Variants in PCDH15 observed in about 807,000 individuals in gnomAD.
PCDH15 encodes the protein protocadherin related 15.
A neutral mutation model predicts 178.5 loss-of-function variants in PCDH15; 129 were observed. The ratio of observed to expected loss-of-function variants is 0.72; its 90% CI spans 0.63 to 0.84. The LOEUF (loss-of-function observed/expected upper bound fraction) is 0.84. Ranked by LOEUF, PCDH15 falls within the 40% of genes least tolerant of loss-of-function variation. The pLI, the probability that PCDH15 is intolerant of heterozygous loss-of-function variation, is 0.00. For synonymous variants in PCDH15, 800 were observed against 732.0 expected, an observed-to-expected ratio of 1.09 and a Z score of -1.50; for missense variants, 2,230 against 2,099.9, an observed-to-expected ratio of 1.06 and a Z score of -1.21.
chr10:53,954,186 A>G (rs1219608939), intron 23 of PCDH15, among the ~76,000 whole-genome samples: 1 of 152,232 alleles, frequency 6.6e-6, no homozygotes, highest in East Asian at 1.9e-4. Context: ...TTACTTTTAC[A>G]TAAGTCAGAA....
intron 26 of PCDH15, among the ~76,000 whole-genome samples, chr10:53,898,406 T>C (rs189650721): frequency 6.6e-6 from 1 of 152,332 alleles, no homozygotes; most frequent in East Asian, 1.9e-4. Flanking sequence ...ATTAACTAAT[T>C]GTTTTAAAGA....
intron 2 of PCDH15, chr10:54,605,657 C>A (rs1447305707): frequency 6.6e-6 from 1 of 152,118 alleles, no homozygotes; most frequent in African/African-American, 2.4e-5. Flanking sequence ...AATGTTGGGG[C>A]ACTAACTGGA....
chr10:55,507,478 C>T (rs932169977), intron 2 of PCDH15, among the ~76,000 whole-genome samples: 2 of 151,512 alleles, frequency 1.3e-5, no homozygotes, highest in African/African-American at 2.4e-5. Context: ...ATAATCTAAG[C>T]TATAAAATCA....
intron 18 of PCDH15, among the ~76,000 whole-genome samples, chr10:54,036,216 T>C (rs2093413022): frequency 6.6e-6 from 1 of 151,974 alleles, no homozygotes; most frequent in African/African-American, 2.4e-5. Flanking sequence ...CTAAGATATT[T>C]GTAGAGGGTG....
At chr10:54,011,241 T>A (rs11597275) in intron 20 of PCDH15, among the ~76,000 whole-genome samples, 30,620 of 152,068 alleles carry the variant, frequency 0.2, 3,407 homozygotes, top group Non-Finnish European at 0.25. Context: ...CCTCAGACTG[T>A]GGAGGGAGCA....
chr10:54,342,821 A>G (rs1942502283), intron 6 of PCDH15, among the ~76,000 whole-genome samples: 1 of 152,208 alleles, frequency 6.6e-6, no homozygotes, highest in Non-Finnish European at 1.5e-5. Flanking sequence ...ATGGAGTCAA[A>G]TGAGATTATT....
At chr10:53,974,429 A>G (rs1418671749) in intron 21 of PCDH15, among the ~76,000 whole-genome samples, 2 of 152,150 alleles carry the variant, frequency 1.3e-5, no homozygotes, top group Non-Finnish European at 1.5e-5. Context: ...ATACTTATTT[A>G]TATAAGATAT....
chr10:54,934,151 T>G (rs898090037), intron 2 of PCDH15, among the ~76,000 whole-genome samples: 7 of 152,160 alleles, frequency 4.6e-5, no homozygotes, highest in Non-Finnish European at 7.4e-5. Flanking sequence ...ATCTATAGTG[T>G]TTAATAATTT....
chr10:53,881,440 T>C (rs2080710661), intron 26 of PCDH15, among the ~76,000 whole-genome samples: 1 of 152,132 alleles, frequency 6.6e-6, no homozygotes, highest in African/African-American at 2.4e-5. Context: ...AACCCCTAAA[T>C]GTATAAAAAT....
At chr10:55,131,854 A>G (rs146213572) in intron 2 of PCDH15, among the ~76,000 whole-genome samples, 27 of 152,246 alleles carry the variant, frequency 1.8e-4, no homozygotes, top group Admixed American at 1.4e-3. Flanking sequence ...AGCACCATGA[A>G]TTCTCACTTT....
chr10:54,822,011 T>A (rs1006519249), intron 3 of PCDH15, among the ~76,000 whole-genome samples: 1 of 152,132 alleles, frequency 6.6e-6, no homozygotes, highest in Admixed American at 6.6e-5. Flanking sequence ...TTTAATAACC[T>A]TTTTATGTTT....
chr10:55,559,079 C>A (rs1842143842), intron 2 of PCDH15, among the ~76,000 whole-genome samples: 1 of 152,002 alleles, frequency 6.6e-6, no homozygotes, highest in Non-Finnish European at 1.5e-5. Context: ...TGTAAGCTTG[C>A]AGGTGTTATA....
chr10:55,100,391 G>C (rs1443101795), intron 2 of PCDH15, among the ~76,000 whole-genome samples: 2 of 151,974 alleles, frequency 1.3e-5, no homozygotes, highest in Non-Finnish European at 2.9e-5. Flanking sequence ...TATTTAGTTA[G>C]CACCGTACTC....
intron 17 of PCDH15, among the ~76,000 whole-genome samples, 188 bp from the exon 18 acceptor site, chr10:54,067,073 C>A (rs2094149462): frequency 6.6e-6 from 1 of 151,888 alleles, no homozygotes; most frequent in Non-Finnish European, 1.5e-5. Flanking sequence ...AAGCTTCCCA[C>A]CTCAAAAAAC....
intron 2 of PCDH15, among the ~76,000 whole-genome samples, chr10:54,630,905 C>T (rs763401239): frequency 8.5e-5 from 13 of 152,096 alleles, no homozygotes; most frequent in South Asian, 6.2e-4. Flanking sequence ...AAATGACAAA[C>T]CCTCTACATC....
rs66727745 is a variant in PCDH15 at position 53,876,198 on chromosome 10, G to GTT, written c.3502-9343_3502-9342dup. On this transcript the variant is annotated intron_variant, in intron 26 of 37. Transcript: ENST00000644397. ...GTCTTGTTTTTTTTTTTGTTTTTTT[G>GTT]TTTTTTTTTTGACACAGTCTTGCTC... Among the ~76,000 whole-genome samples, 1,365 of 145,408 alleles carry GTT rather than the reference G, an allele frequency of 9.4e-3. 22 individuals are homozygous for GTT. Among genetic ancestry groups the GTT allele is most frequent in the African/African-American group, 0.027 (1,047 of 39,412 alleles).
chr10:54,633,740 ATAAAGTATCTACCTG>A (rs1240280500), intron 2 of PCDH15, among the ~76,000 whole-genome samples: 1 of 152,166 alleles, frequency 6.6e-6, no homozygotes. Context: ...TTCAGAAAAT[ATAAAGTATCTACCTG>A]TAAATCAATT....
intron 2 of PCDH15, among the ~76,000 whole-genome samples, chr10:54,543,877 C>A (rs1281859651): frequency 6.6e-6 from 1 of 152,180 alleles, no homozygotes; most frequent in African/African-American, 2.4e-5. Context: ...CAGAAACTTA[C>A]TAGTCCCAAT....
intron 2 of PCDH15, among the ~76,000 whole-genome samples, chr10:55,515,583 T>A (rs1264493416): frequency 6.6e-6 from 1 of 152,110 alleles, no homozygotes; most frequent in African/African-American, 2.4e-5. Context: ...AATAAGTAGT[T>A]ATGAAATTCA....
Sources: gnomAD v4.1 joint callset for allele counts (sites outside exome capture counted in the v4.1 genomes callset) on GRCh38, gnomAD v4.1.1 for gene constraint, MANE v1.5 for transcripts, NCBI Gene and HGNC (gene_info 2026-07-23, HGNC 2026-07-21) for gene names.